The following SYNE3 variants were observed in gnomAD, a reference collection of about 807,000 sequenced individuals.
The protein encoded by SYNE3 is nesprin-3.
SYNE3 carries 100 observed loss-of-function variants against 111.2 expected under a neutral mutation model. That is an observed-to-expected ratio of 0.90 (90% CI 0.77 to 1.06). SYNE3 has a LOEUF of 1.06. Ranked by LOEUF, SYNE3 falls within the 50% of genes least tolerant of loss-of-function variation. The pLI, the probability that SYNE3 is intolerant of heterozygous loss-of-function variation, is 0.00. For synonymous variants in SYNE3, 547 were observed against 533.9 expected, an observed-to-expected ratio of 1.02 and a Z score of -0.34; for missense variants, 1,160 against 1,240.3, an observed-to-expected ratio of 0.94 and a Z score of 0.97.
At chr14:95,506,169 C>T (rs1014848925) in intron 1 of SYNE3, among the ~76,000 whole-genome samples, 2 of 152,196 alleles carry the variant, frequency 1.3e-5, no homozygotes, top group Non-Finnish European at 2.9e-5. Context: ...CTGGCAATTA[C>T]TAGTAGCCCC....
intron 1 of SYNE3, among the ~76,000 whole-genome samples, chr14:95,488,218 G>T (rs1889646294): frequency 6.6e-6 from 1 of 152,052 alleles, no homozygotes; most frequent in Non-Finnish European, 1.5e-5. Flanking sequence ...AGTGTGCAAG[G>T]GCCTGGTACC....
chr14:95,470,486 TA>T lies in SYNE3; in HGVS notation c.145-2520del, dbSNP rs59910933. ...TCTCTCCAAAAGCATTTTTTTTAAT[TA>T]AAAAAAAAAAAAAACTAGCCAGGCA... On this transcript the variant is annotated intron_variant, in intron 2 of 17. Transcript: ENST00000682763. This position sits in a 1 kb window ranked among gnomAD's most constrained non-coding sequence, Gnocchi z 4.2. 9.5e-3 allele frequency among the ~76,000 whole-genome samples: 1,277 copies of T among 134,356 alleles called. 23 individuals carry two copies. The highest frequency in any genetic ancestry group is 0.05 in the Admixed American group (668 of 13,438). 88.1% of individuals were successfully genotyped at this position (134,356 alleles called of 152,430 possible). A position where few individuals can be genotyped will look rare whatever the true frequency, so the allele number is the denominator to read the frequency against.
At position 95,500,580 on chromosome 14, in the gene SYNE3, G is replaced by A. The variant is rs1036197949; in HGVS notation, c.-15+16016C>T. ...TTCCTCCTGGAGCTGGCCTGTGTCC[G>A]GGGCTGAGCTCCCCATCAGACCCAG... On this transcript the variant is annotated intron_variant, in intron 1 of 17. Transcript: ENST00000682763. This position sits in a 1 kb window ranked among gnomAD's most constrained non-coding sequence, Gnocchi z 4.7. 6.6e-6 allele frequency among the ~76,000 whole-genome samples: 1 copy of A among 152,188 alleles called. No individual in the cohort carries two copies. Among genetic ancestry groups the A allele is most frequent in the South Asian group, 2.1e-4 (1 of 4,820 alleles).
At chr14:95,502,480 C>T (rs1158074299) in intron 1 of SYNE3, among the ~76,000 whole-genome samples, 1 of 152,130 alleles carries the variant, frequency 6.6e-6, no homozygotes, top group Non-Finnish European at 1.5e-5. Flanking sequence ...GCCACAGGCT[C>T]TCAGATCCAG....
rs956581922 is a variant in SYNE3, at chr14:95,463,700, G to A, written c.627+2231C>T. Among the ~76,000 whole-genome samples the A allele has an allele frequency of 3.3e-5, 5 of 152,230 alleles. No homozygotes were observed. In the South Asian group the frequency reaches 8.3e-4, roughly 25 times the overall value. ...TCTGCAAGAGCCAAGTCGAATCCCC[G>A]CCTTGCCCATCCATTCTGGGCCTTG... On this transcript the variant is annotated intron_variant, in intron 4 of 17. Coordinates refer to ENST00000682763, the MANE Select transcript of SYNE3 (RefSeq NM_152592.6).
intron 1 of SYNE3, among the ~76,000 whole-genome samples, chr14:95,504,236 G>C (rs1352021894): frequency 6.6e-6 from 1 of 152,170 alleles, no homozygotes; most frequent in African/African-American, 2.4e-5. Flanking sequence ...ATATGATGGA[G>C]AGCCAAAATA....
At chr14:95,479,937 G>A (rs889754402) in intron 1 of SYNE3, among the ~76,000 whole-genome samples, 13 of 152,132 alleles carry the variant, frequency 8.5e-5, no homozygotes, top group South Asian at 2.1e-4. Flanking sequence ...TGCAGAAATG[G>A]CAGACGCACA....
chr14:95,502,375 A>G (rs1890369707), intron 1 of SYNE3, among the ~76,000 whole-genome samples: 1 of 148,544 alleles, frequency 6.7e-6, no homozygotes, highest in African/African-American at 2.5e-5. Context: ...ATGGAGAGGG[A>G]GACTTGCTCT....
At chr14:95,482,459 T>C (rs1022590952) in intron 1 of SYNE3, among the ~76,000 whole-genome samples, 1 of 152,134 alleles carries the variant, frequency 6.6e-6, no homozygotes, top group Admixed American at 6.5e-5. Context: ...TAATATTATC[T>C]GGGAATTTGA....
intron 8 of SYNE3, among the ~76,000 whole-genome samples, chr14:95,446,650 G>T (rs55961031): frequency 0.3 from 45,523 of 152,086 alleles, 7,106 homozygotes; most frequent in South Asian, 0.47. Flanking sequence ...AGAGAATTCA[G>T]GAAGGCTTCC....
At position 95,516,573 on chromosome 14, in the gene SYNE3, C is replaced by T. The variant is rs1216409309; in HGVS notation, c.-15+23G>A. On this transcript the variant is annotated intron_variant, in intron 1 of 17. Coordinates refer to ENST00000682763, the MANE Select transcript of SYNE3 (RefSeq NM_152592.6). ...CCCCGGCCCCCGGCCCCAGGCCTGG[C>T]CTCCCGGCCCCGTGCCACTTACCCT... is the stretch of plus-strand genomic sequence containing the variant. 4.1e-5 allele frequency among the ~76,000 whole-genome samples: 6 copies of T among 144,738 alleles called. No individual in the cohort carries two copies. In the East Asian group the frequency reaches 1.2e-3, roughly 30 times the overall value. 95.0% of individuals were successfully genotyped at this position (144,738 alleles called of 152,430 possible). A position where few individuals can be genotyped will look rare whatever the true frequency, so the allele number is the denominator to read the frequency against.
intron 1 of SYNE3, among the ~76,000 whole-genome samples, chr14:95,507,945 G>C (rs1486025165): frequency 1.3e-5 from 2 of 152,232 alleles, no homozygotes; most frequent in Non-Finnish European, 2.9e-5. Context: ...ATGTGACACT[G>C]GTCCCACAGA....
At chr14:95,449,469 T>A in intron 8 of SYNE3, 1 of 985,428 alleles carries the variant, frequency 1.0e-6, no homozygotes, top group Non-Finnish European at 1.2e-6. Context: ...GGAGCAGCCA[T>A]GCTGGGGCCA....
intron 11 of SYNE3, among the ~76,000 whole-genome samples, chr14:95,442,437 C>A (rs1286778415): frequency 6.6e-6 from 1 of 152,142 alleles, no homozygotes; most frequent in Non-Finnish European, 1.5e-5. Flanking sequence ...ATAGGGCGTG[C>A]AATGTCAGGT....
In SYNE3 at chr14:95,445,948, C is replaced by T. The variant is rs28526182; in HGVS notation, c.1593G>A (p.Leu531=). 12,976 of 1,614,038 alleles carry T rather than the reference C, an allele frequency of 8.0e-3. 897 individuals carry two copies. In the African/African-American group the frequency reaches 0.15, roughly 19 times the overall value. Residue 531 remains leucine, a synonymous_variant, in exon 9 of 18, where the codon CTG becomes CTA. Coordinates refer to ENST00000682763, the MANE Select transcript of SYNE3 (RefSeq NM_152592.6). ...QVAGSMRDRD[L]LHNSLLQRKS... ...TCCTCTGCAGGAGGCTGTTATGCAG[C>T]AGGTCTCTGTCCCTCATGGAACCTG...
intron 8 of SYNE3, among the ~76,000 whole-genome samples, chr14:95,446,513 C>T (rs1310085413): frequency 6.6e-6 from 1 of 152,226 alleles, no homozygotes; most frequent in African/African-American, 2.4e-5. Flanking sequence ...AACCTAGACC[C>T]AGCCAGCTTG....
rs1404997897 is a variant in SYNE3, at chr14:95,436,847, G to T, written c.2511C>A (p.Asp837Glu). 5.0e-6 allele frequency: 8 copies of T among 1,614,178 alleles called. No homozygotes were observed. Among genetic ancestry groups the T allele is most frequent in the Non-Finnish European group, 6.8e-6 (8 of 1,180,034 alleles). ...GCAGCTTCGATTTTCTGGTCCTCAA[G>T]TCCTCAGCTGTAGAAGTTCTCATTG... ...IIAMRTSTAEDLRTRKSKLQE... is the reference protein window; with the variant it reads ...IIAMRTSTAEELRTRKSKLQE... Residue 837 changes from aspartate (D) to glutamate (E), a missense_variant, in exon 15 of 18, where the codon GAC becomes GAA. By Grantham distance (45) the Asp-to-Glu change is conservative. Transcript: ENST00000682763.
At chr14:95,436,783 A>C in intron 15 of SYNE3, 37 bp downstream of exon 15, 2 of 1,607,544 alleles carry the variant, frequency 1.2e-6, no homozygotes, top group Non-Finnish European at 1.7e-6. Flanking sequence ...TGTGGGTGCA[A>C]ACCTTATGGA....
intron 6 of SYNE3, 77 bp from the exon 7 acceptor site, chr14:95,452,460 G>A (rs1887153237): frequency 4.1e-6 from 6 of 1,452,740 alleles, no homozygotes; most frequent in South Asian, 1.5e-5. Context: ...GAGGGTGAGC[G>A]TGGCCAGTGG....
Sources: allele counts gnomAD v4.1 joint callset (sites outside exome capture counted in the v4.1 genomes callset), GRCh38; gene constraint gnomAD v4.1.1; non-coding constraint Gnocchi (gnomAD v3.1); transcripts MANE v1.5; gene names NCBI Gene and HGNC (gene_info 2026-07-23, HGNC 2026-07-21).